SKIC3: variants seen among roughly 807,000 people sequenced by gnomAD.
The protein encoded by SKIC3 is superkiller complex protein 3.
chr5:95,478,346 T>G, the SKIC3 span: 5 of 1,614,010 alleles, frequency 3.1e-6, no homozygotes, highest in Non-Finnish European at 4.2e-6. Flanking sequence ...AGCTTCCCAC[T>G]CCAACTGCCC....
At chr5:95,529,245 C>T in the SKIC3 span, 1 of 752,230 alleles carries the variant, frequency 1.3e-6, no homozygotes, top group Non-Finnish European at 2.3e-6. Context: ...GATTCTCTGC[C>T]TCAATTCATT....
chr5:95,481,040 G>C, the SKIC3 span, among the ~76,000 whole-genome samples: 40 of 152,136 alleles, frequency 2.6e-4, no homozygotes, highest in Non-Finnish European at 5.3e-4. Flanking sequence ...GATATGGGAG[G>C]TGTTAAACAG....
the SKIC3 span, among the ~76,000 whole-genome samples, chr5:95,554,549 T>C: frequency 0.011 from 1,642 of 152,318 alleles, 20 homozygotes; most frequent in South Asian, 0.036. Flanking sequence ...ACAGCTATGC[T>C]TTCCCCTGCC....
At chr5:95,528,122 G>A in the SKIC3 span, 10 of 1,613,652 alleles carry the variant, frequency 6.2e-6, no homozygotes, top group Non-Finnish European at 8.5e-6. Flanking sequence ...ACTGTTACCA[G>A]ACGCACCAAG....
the SKIC3 span, among the ~76,000 whole-genome samples, chr5:95,469,402 C>T: frequency 6.6e-6 from 1 of 152,152 alleles, no homozygotes; most frequent in African/African-American, 2.4e-5. Flanking sequence ...ATAGCAAGAA[C>T]TGATAATGTA....
chr5:95,491,499 T>A, the SKIC3 span, among the ~76,000 whole-genome samples: 4 of 152,196 alleles, frequency 2.6e-5, no homozygotes, highest in African/African-American at 9.7e-5. Context: ...AATTATATTC[T>A]AATAGGCAAG....
At chr5:95,474,023 G>T in the SKIC3 span, among the ~76,000 whole-genome samples, 2 of 152,134 alleles carry the variant, frequency 1.3e-5, no homozygotes, top group Admixed American at 6.6e-5. Flanking sequence ...TTTTCTTTTA[G>T]AATTTTAATA....
chr5:95,524,621 T>C, the SKIC3 span: 16 of 1,611,484 alleles, frequency 9.9e-6, no homozygotes, highest in Admixed American at 1.3e-4. Flanking sequence ...TAAAAAGAAA[T>C]AGTAAAACAA....
At chr5:95,526,721 G>A in the SKIC3 span, among the ~76,000 whole-genome samples, 1 of 151,930 alleles carries the variant, frequency 6.6e-6, no homozygotes, top group African/African-American at 2.4e-5. Flanking sequence ...CACCTGCCTC[G>A]GCCTCCCAAA....
At chr5:95,530,157 A>T in the SKIC3 span, 1 of 1,613,714 alleles carries the variant, frequency 6.2e-7, no homozygotes, top group Non-Finnish European at 8.5e-7. Context: ...TAAGCCAATG[A>T]GGCCTGGACC....
chr5:95,528,105 G>A, the SKIC3 span: 2 of 1,613,790 alleles, frequency 1.2e-6, no homozygotes, highest in South Asian at 1.1e-5. Flanking sequence ...AGATTCCTCT[G>A]ATAAAGACTG....
At chr5:95,543,085 T>C in the SKIC3 span, 1 of 1,406,698 alleles carries the variant, frequency 7.1e-7, no homozygotes, top group Admixed American at 2.1e-5. Flanking sequence ...ATGGGGCAAA[T>C]GTAGGTTTAA....
At chr5:95,505,847 C>G in the SKIC3 span, among the ~76,000 whole-genome samples, 1 of 151,102 alleles carries the variant, frequency 6.6e-6, no homozygotes, top group African/African-American at 2.4e-5. Context: ...TAACCTGAAG[C>G]AAGCTGACAG....
chr5:95,517,817 A>C, the SKIC3 span, among the ~76,000 whole-genome samples: 7 of 152,078 alleles, frequency 4.6e-5, no homozygotes. Flanking sequence ...CAGGACAACA[A>C]TGTTGAGAAG....
the SKIC3 span, among the ~76,000 whole-genome samples, chr5:95,539,821 G>T: frequency 7.1e-6 from 1 of 141,296 alleles, no homozygotes; most frequent in African/African-American, 2.8e-5. Context: ...TCCAGCCTGG[G>T]CAACAGAGTG....
chr5:95,528,466 A>G, the SKIC3 span, among the ~76,000 whole-genome samples: 103 of 152,166 alleles, frequency 6.8e-4, no homozygotes, highest in African/African-American at 2.3e-3. Context: ...CAACCAAAGC[A>G]CCTGTAACAA....
At chr5:95,533,709 ATTT>A in the SKIC3 span, among the ~76,000 whole-genome samples, 1 of 152,062 alleles carries the variant, frequency 6.6e-6, no homozygotes, top group Admixed American at 6.5e-5. Context: ...CTCAAAAATG[ATTT>A]TTTTCATTTA....
the SKIC3 span, among the ~76,000 whole-genome samples, chr5:95,493,144 A>C: frequency 6.6e-6 from 1 of 152,108 alleles, no homozygotes; most frequent in African/African-American, 2.4e-5. Context: ...ATCTATCAAA[A>C]CTGTGCTTTG....
the SKIC3 span, among the ~76,000 whole-genome samples, chr5:95,505,615 C>A: frequency 6.6e-6 from 1 of 151,962 alleles, no homozygotes; most frequent in Non-Finnish European, 1.5e-5. Flanking sequence ...AGTTCGAGAC[C>A]AGCCTGGCCA....
Sources: gnomAD v4.1 joint callset for allele counts (sites outside exome capture counted in the v4.1 genomes callset) on GRCh38, gnomAD v4.1.1 for gene constraint, MANE v1.5 for transcripts, NCBI Gene and HGNC (gene_info 2026-07-23, HGNC 2026-07-21) for gene names.